MMP7: variants seen among roughly 807,000 people sequenced by gnomAD.
MMP7 encodes matrix metallopeptidase 7.
In MMP7, 26 loss-of-function variants were observed where a neutral mutation model predicts 31.5. That is an observed-to-expected ratio of 0.83 (90% confidence interval 0.61 to 1.15). The LOEUF (loss-of-function observed/expected upper bound fraction) is 1.15. MMP7 is among the 50% of genes most tolerant of loss of function. The pLI is 0.00. For synonymous variants in MMP7, 142 were observed against 124.2 expected (o/e 1.14, Z -0.95); for missense variants, 367 against 326.5 (o/e 1.12, Z -0.96).
intron 3 of MMP7, among the ~76,000 whole-genome samples, chr11:102,526,002 G>A (rs1220052017): frequency 6.6e-6 from 1 of 151,684 alleles, no homozygotes; most frequent in African/African-American, 2.4e-5. Flanking sequence ...TGTCAATATT[G>A]TGGGTTGAAG....
At chr11:102,526,240 A>ATATTTT (rs1437244210) in intron 3 of MMP7, among the ~76,000 whole-genome samples, 3 of 131,476 alleles carry the variant, frequency 2.3e-5, no homozygotes, top group African/African-American at 8.6e-5. Flanking sequence ...ATATATATAT[A>ATATTTT]TTTTTTTTTT....
At chr11:102,521,298 G>A (rs558379854) in intron 5 of MMP7, among the ~76,000 whole-genome samples, 2 of 152,118 alleles carry the variant, frequency 1.3e-5, no homozygotes, top group African/African-American at 4.8e-5. Context: ...CCTGGGTTCC[G>A]GCAATTCTCA....
Position 102,527,989 on chromosome 11 carries a change from G to A in MMP7, c.109-6C>T. 1 of 1,578,806 alleles carries A rather than the reference G, an allele frequency of 6.3e-7. No individual in the cohort carries two copies. The highest frequency in any genetic ancestry group is 1.7e-4 in the Middle Eastern group (1 of 5,816). On this transcript the variant is annotated splice_polypyrimidine_tract_variant and splice_region_variant and intron_variant, in intron 1 of 5. Transcript: ENST00000260227. ...TAAAATCTCTTGAGATAGTCCTATT[G>A]AAAAGAGAGTAATTAATCTATAGTT...
rs1054252293 is a variant in MMP7, at chr11:102,524,776, T to C, written c.613+160A>G. The C allele has an allele frequency of 1.3e-4, 91 of 699,462 alleles. 1 individual carries two copies. Among genetic ancestry groups the C allele is most frequent in the Non-Finnish European group, 5.3e-5 (26 of 490,022 alleles). The allele number at this position is 699,462 out of a possible 1,614,324, so 43.3% of individuals were successfully genotyped here. On this transcript the variant is annotated intron_variant, in intron 4 of 5. Transcript: ENST00000260227. ...TGTCCATCTTCTGTGTGTAGCATTA[T>C]GAGTATATTACATGAAATAATGCAT...
chr11:102,525,454 T>TAAA (rs370239404), intron 3 of MMP7, among the ~76,000 whole-genome samples: 22,023 of 137,820 alleles, frequency 0.16, 2,078 homozygotes, highest in Non-Finnish European at 0.23. Flanking sequence ...AAAAATAAAT[T>TAAA]AAAAAAAAAA....
chr11:102,526,225 A>AAAAAT (rs1555069373), intron 3 of MMP7, among the ~76,000 whole-genome samples: 3 of 128,020 alleles, frequency 2.3e-5, no homozygotes, highest in African/African-American at 8.7e-5. Context: ...AAAAAAAAAA[A>AAAAAT]ATATATATAT....
At chr11:102,527,141 T>C (rs765889982) in intron 3 of MMP7, 4 of 244,860 alleles carry the variant, frequency 1.6e-5, no homozygotes, top group Non-Finnish European at 2.4e-5. Context: ...AAACAGGGGT[T>C]GGCAAACTTT....
intron 3 of MMP7, 21 bp downstream of exon 3, chr11:102,527,503 G>A: frequency 3.1e-6 from 5 of 1,614,060 alleles, no homozygotes; most frequent in Non-Finnish European, 4.2e-6. Flanking sequence ...CACAGGATTA[G>A]CCTACAGGAA....
intron 5 of MMP7, among the ~76,000 whole-genome samples, chr11:102,521,160 A>T (rs17882164): frequency 0.014 from 2,167 of 152,272 alleles, 52 homozygotes; most frequent in African/African-American, 0.05. Context: ...ATCCATGTGA[A>T]GTCTTGGGAT....
At chr11:102,529,783 G>A (rs1858711488) in intron 1 of MMP7, among the ~76,000 whole-genome samples, 1 of 152,110 alleles carries the variant, frequency 6.6e-6, no homozygotes, top group Non-Finnish European at 1.5e-5. Context: ...CATGATTTTT[G>A]AACCAGAAGC....
chr11:102,524,834 C>A (rs1858650153), intron 4 of MMP7, 102 bp downstream of exon 4: 6 of 1,330,452 alleles, frequency 4.5e-6, no homozygotes, highest in Non-Finnish European at 5.9e-6. Context: ...TGGCACTTAG[C>A]AAGGGCTCAA....
intron 1 of MMP7, among the ~76,000 whole-genome samples, chr11:102,529,786 C>A (rs1858711551): frequency 6.6e-6 from 1 of 152,112 alleles, no homozygotes; most frequent in Non-Finnish European, 1.5e-5. Flanking sequence ...GATTTTTGAA[C>A]CAGAAGCACT....
chr11:102,527,117 T>A (rs1302652493), intron 3 of MMP7: 1 of 242,574 alleles, frequency 4.1e-6, no homozygotes. Context: ...ATATAAATAA[T>A]AATTCACGTT....
At chr11:102,523,207 G>T in intron 5 of MMP7, 33 bp downstream of exon 5, 1 of 1,531,754 alleles carries the variant, frequency 6.5e-7, no homozygotes, top group Non-Finnish European at 8.9e-7. Context: ...AAAGAAAATG[G>T]GAAATCCTCT....
intron 4 of MMP7, 152 bp downstream of exon 4, chr11:102,524,784 T>C (rs1858649643): frequency 2.6e-6 from 2 of 769,556 alleles, no homozygotes; most frequent in East Asian, 3.3e-5. Flanking sequence ...TATGAGTATA[T>C]TACATGAAAT....
chr11:102,528,551 C>A (rs1298626632), intron 1 of MMP7, among the ~76,000 whole-genome samples: 1 of 152,182 alleles, frequency 6.6e-6, no homozygotes, highest in Non-Finnish European at 1.5e-5. Flanking sequence ...CAGGTTCACA[C>A]CTTAAATTAG....
chr11:102,530,451 T>G, intron 1 of MMP7, 142 bp downstream of exon 1: 1 of 681,582 alleles, frequency 1.5e-6, no homozygotes, highest in Non-Finnish European at 2.6e-6. Context: ...GATGAAAACA[T>G]ATATTGCTTT....
intron 3 of MMP7, among the ~76,000 whole-genome samples, chr11:102,526,217 A>G (rs1565375803): frequency 4.0e-5 from 2 of 50,562 alleles, no homozygotes; most frequent in South Asian, 1.0e-3. Context: ...ACCCACGTAA[A>G]AAAAAAAAAT....
In MMP7 at chr11:102,530,573, G is replaced by A. The variant is rs770948588; in HGVS notation, c.108+20C>T. ...AGATGGCAAAAGAATGGAACCCTAA[G>A]TAAGTGGGCTGTGACATACCTGAGC... On this transcript the variant is annotated intron_variant, in intron 1 of 5. Coordinates refer to ENST00000260227, the MANE Select transcript of MMP7 (RefSeq NM_002423.5). The A allele has an allele frequency of 1.3e-6, 2 of 1,582,958 alleles. No individual in the cohort carries two copies. Among genetic ancestry groups the A allele is most frequent in the Admixed American group, 3.3e-5 (2 of 59,982 alleles).
Sources: gnomAD v4.1 joint callset for allele counts (sites outside exome capture counted in the v4.1 genomes callset) on GRCh38, gnomAD v4.1.1 for gene constraint, MANE v1.5 for transcripts, NCBI Gene and HGNC (gene_info 2026-07-23, HGNC 2026-07-21) for gene names.